The following SGIP1 variants were observed in gnomAD, a reference collection of about 807,000 sequenced individuals.
SGIP1 encodes SH3-containing GRB2-like protein 3-interacting protein 1.
Under a neutral mutation model 107.5 loss-of-function variants are expected in SGIP1, and 38 were observed. The observed-to-expected ratio is 0.35, with a 90% CI of 0.27 to 0.46. The LOEUF (loss-of-function observed/expected upper bound fraction) is 0.46, where lower values mean the gene tolerates loss of function less well. SGIP1 is among the 20% of genes least tolerant of loss of function. The probability of loss-of-function intolerance (pLI) is 1.00; values close to 1 mark genes in which losing one functional copy is unlikely to be tolerated. For synonymous variants in SGIP1, 365 were observed against 366.1 expected, an observed-to-expected ratio of 1.00 and a Z score of 0.03; for missense variants, 929 against 1,019.5, an observed-to-expected ratio of 0.91 and a Z score of 1.21.
chr1:66,613,391 G>A (rs373604664), intron 1 of SGIP1, among the ~76,000 whole-genome samples: 19 of 152,268 alleles, frequency 1.2e-4, no homozygotes, highest in East Asian at 7.7e-4. Flanking sequence ...GTGCAGTGGT[G>A]CAATCTCAAC....
intron 13 of SGIP1, among the ~76,000 whole-genome samples, chr1:66,677,962 G>A (rs932954483): frequency 7.2e-5 from 11 of 152,104 alleles, no homozygotes; most frequent in African/African-American, 1.4e-4. Context: ...AGAATTAACC[G>A]CGGGGATTCA....
chr1:66,537,804 T>C (rs999016226), intron 1 of SGIP1, among the ~76,000 whole-genome samples: 1 of 152,128 alleles, frequency 6.6e-6, no homozygotes, highest in African/African-American at 2.4e-5. Context: ...AGTCCTTTTC[T>C]ACCTTTCAAA....
At chr1:66,551,808 T>A (rs1419551896) in intron 1 of SGIP1, among the ~76,000 whole-genome samples, 2 of 152,162 alleles carry the variant, frequency 1.3e-5, no homozygotes, top group African/African-American at 2.4e-5. Flanking sequence ...ACGCCATATA[T>A]AAGGCACCTG....
chr1:66,667,551 C>G lies in SGIP1; in HGVS notation c.483+10C>G, dbSNP rs2082849071. The G allele has an allele frequency of 6.2e-7, 1 of 1,613,630 alleles. No individual in the cohort carries two copies. Among genetic ancestry groups the G allele is most frequent in the East Asian group, 2.2e-5 (1 of 44,882 alleles). ...ACAGAGGCGCAGCCCGGTAAGAACT[C>G]TCAACATTTTTACCTTAAACATGTA... On this transcript the variant is annotated intron_variant, in intron 9 of 24. Transcript: ENST00000371037.
chr1:66,715,322 A>G (rs758694682), intron 18 of SGIP1, among the ~76,000 whole-genome samples: 3 of 152,158 alleles, frequency 2.0e-5, no homozygotes, highest in Non-Finnish European at 2.9e-5. Context: ...TGAAGAAATT[A>G]GGGTTGTAAA....
chr1:66,739,811 G>A (rs1345830880), intron 22 of SGIP1, among the ~76,000 whole-genome samples: 2 of 152,206 alleles, frequency 1.3e-5, no homozygotes, highest in African/African-American at 2.4e-5. Flanking sequence ...ACAATCCCGG[G>A]AAGGAGAGAA....
At chr1:66,727,237 C>T (rs925089463) in intron 19 of SGIP1, among the ~76,000 whole-genome samples, 1 of 152,144 alleles carries the variant, frequency 6.6e-6, no homozygotes, top group African/African-American at 2.4e-5. Flanking sequence ...GAACAAACAA[C>T]CCTATTTAAA....
intron 1 of SGIP1, among the ~76,000 whole-genome samples, chr1:66,568,011 T>G (rs1453655650): frequency 6.6e-6 from 1 of 152,156 alleles, no homozygotes; most frequent in Admixed American, 6.5e-5. Flanking sequence ...CCATATGGAA[T>G]TTAAAGTAGT....
chr1:66,675,184 T>G (rs1052714730), intron 12 of SGIP1, among the ~76,000 whole-genome samples: 1 of 152,234 alleles, frequency 6.6e-6, no homozygotes, highest in African/African-American at 2.4e-5. Context: ...AAACTTTATG[T>G]AAAACATAGA....
At chr1:66,604,170 A>C (rs146102551) in intron 1 of SGIP1, among the ~76,000 whole-genome samples, 1 of 152,304 alleles carries the variant, frequency 6.6e-6, no homozygotes, top group Non-Finnish European at 1.5e-5. Flanking sequence ...GATGTTTAAG[A>C]AGAAAAAGTG....
At chr1:66,568,219 T>G (rs528869692) in intron 1 of SGIP1, among the ~76,000 whole-genome samples, 1 of 152,042 alleles carries the variant, frequency 6.6e-6, no homozygotes, top group Admixed American at 6.6e-5. Context: ...AGGTCCTTCA[T>G]GTCCCTTGTT....
intron 1 of SGIP1, among the ~76,000 whole-genome samples, chr1:66,621,883 T>C (rs915318384): frequency 6.6e-6 from 1 of 152,248 alleles, no homozygotes; most frequent in Admixed American, 6.5e-5. Flanking sequence ...AAAGGAATTT[T>C]ACTCACAAAA....
intron 1 of SGIP1, among the ~76,000 whole-genome samples, chr1:66,564,738 A>G (rs1443673049): frequency 6.6e-6 from 1 of 151,902 alleles, no homozygotes; most frequent in Non-Finnish European, 1.5e-5. Flanking sequence ...ACTTTGATCT[A>G]GTGGTCACCA....
chr1:66,712,766 T>C (rs1401626616), intron 18 of SGIP1, among the ~76,000 whole-genome samples: 1 of 152,154 alleles, frequency 6.6e-6, no homozygotes, highest in East Asian at 1.9e-4. Flanking sequence ...TTTAAATTAT[T>C]TTTAGTCTCA....
intron 1 of SGIP1, among the ~76,000 whole-genome samples, chr1:66,623,887 G>A (rs537016306): frequency 1.3e-5 from 2 of 152,206 alleles, no homozygotes; most frequent in Non-Finnish European, 2.9e-5. Flanking sequence ...CTGGAAAGTG[G>A]ACAACACATG....
chr1:66,621,170 C>T (rs1422017913), intron 1 of SGIP1, among the ~76,000 whole-genome samples: 1 of 152,178 alleles, frequency 6.6e-6, no homozygotes, highest in Admixed American at 6.5e-5. Context: ...GTGAGAAAAG[C>T]TGGATGTCTG....
chr1:66,694,484 G>T, intron 17 of SGIP1: 1 of 1,606,014 alleles, frequency 6.2e-7, no homozygotes, highest in South Asian at 1.1e-5. Context: ...TCGTTTGAAA[G>T]GCGCTGTGAA....
chr1:66,734,446 C>A (rs910454921), intron 21 of SGIP1, among the ~76,000 whole-genome samples: 3 of 151,628 alleles, frequency 2.0e-5, no homozygotes, highest in African/African-American at 7.3e-5. Flanking sequence ...ATACCAGGAT[C>A]CTGATAGTGC....
In SGIP1 at chr1:66,593,909, T is replaced by C. The variant is rs1055764436; in HGVS notation, c.11-31938T>C. Among the ~76,000 whole-genome samples, 4 of 152,220 alleles carry C rather than the reference T, an allele frequency of 2.6e-5. No individual in the cohort carries two copies. In the East Asian group the frequency reaches 7.7e-4, roughly 29 times the overall value. On this transcript the variant is annotated intron_variant, in intron 1 of 24. Coordinates refer to ENST00000371037, the MANE Select transcript of SGIP1 (RefSeq NM_032291.4). Reference sequence around the variant, plus strand: ...AAGATTAAGAGATTCCAACATACTTTAAAGAATATTTATCTAATAATATTC... The same window carrying C: ...AAGATTAAGAGATTCCAACATACTTCAAAGAATATTTATCTAATAATATTC...
Sources: allele counts gnomAD v4.1 joint callset (sites outside exome capture counted in the v4.1 genomes callset), GRCh38; gene constraint gnomAD v4.1.1; transcripts MANE v1.5; gene names NCBI Gene and HGNC (gene_info 2026-07-23, HGNC 2026-07-21).